The following FOCAD variants were observed in gnomAD, a reference collection of about 807,000 sequenced individuals.
FOCAD encodes focadhesin.
FOCAD carries 198 observed loss-of-function variants against 225.6 expected under a neutral mutation model. That is an observed-to-expected ratio of 0.88 (90% CI 0.78 to 0.99). FOCAD has a LOEUF of 0.99. FOCAD is among the 50% of genes least tolerant of loss of function. The pLI, the probability that FOCAD is intolerant of heterozygous loss-of-function variation, is 0.00. For missense variants in FOCAD, 2,713 were observed against 2,123.6 expected (o/e 1.28, Z -5.46); for synonymous variants, 897 against 755.0 (o/e 1.19, Z -3.08).
chr9:20,829,966 C>T (rs1825321565), intron 15 of FOCAD, among the ~76,000 whole-genome samples: 1 of 151,700 alleles, frequency 6.6e-6, no homozygotes, highest in Admixed American at 6.6e-5. Context: ...AGAAGAAAAC[C>T]CCAATTGTGA....
At chr9:20,860,040 A>T (rs911473182) in intron 15 of FOCAD, among the ~76,000 whole-genome samples, 1 of 152,226 alleles carries the variant, frequency 6.6e-6, no homozygotes, top group East Asian at 1.9e-4. Context: ...TACACTTTAC[A>T]TGAGGAATTG....
intron 15 of FOCAD, among the ~76,000 whole-genome samples, chr9:20,824,549 C>A (rs1221157376): frequency 6.6e-6 from 1 of 151,958 alleles, no homozygotes; most frequent in Non-Finnish European, 1.5e-5. Context: ...CTGAGTTTGG[C>A]ACTGACTTTC....
At position 20,765,095 on chromosome 9, in the gene FOCAD, A is replaced by G. The variant is rs1333234419; in HGVS notation, c.699+22A>G. The G allele has an allele frequency of 5.6e-6, 9 of 1,597,504 alleles. No individual in the cohort carries two copies. The South Asian group carries it at 6.8e-5, about 12-fold the overall frequency. ...GCAGGTAAGGTCTTTGTCCTCCTCC[A>G]CAAATATAGGTCAGCATCAGTAAGT... On this transcript the variant is annotated intron_variant, in intron 7 of 43. Coordinates refer to ENST00000338382, the MANE Select transcript of FOCAD (RefSeq NM_001375567.1).
intron 35 of FOCAD, among the ~76,000 whole-genome samples, chr9:20,958,749 ACTTT>A (rs1192806622): frequency 6.6e-6 from 1 of 152,024 alleles, no homozygotes; most frequent in Non-Finnish European, 1.5e-5. Flanking sequence ...TGAGAGATCA[ACTTT>A]CTTTTTGCTT....
chr9:20,836,403 A>G (rs1212896110), intron 15 of FOCAD, among the ~76,000 whole-genome samples: 2 of 151,940 alleles, frequency 1.3e-5, no homozygotes, highest in Non-Finnish European at 2.9e-5. Context: ...TTAAAGGTGG[A>G]TTGCCTGTCT....
At position 20,862,636 on chromosome 9, in the gene FOCAD, G is replaced by A; in HGVS notation, c.1979G>A (p.Arg660Lys). 1 of 1,613,592 alleles carries A rather than the reference G, an allele frequency of 6.2e-7. No individual in the cohort carries two copies. Among genetic ancestry groups the A allele is most frequent in the Non-Finnish European group, 8.5e-7 (1 of 1,179,666 alleles). The stretch of plus-strand genomic sequence containing the variant: ...TCTCCAAAGCTGAGTTGTGACACAA[G>A]ACCTCTCATTCTGAAGACACTGAGT... Reference protein sequence around the residue: ...ALSPKLSCDTRPLILKTLSEL... With the variant: ...ALSPKLSCDTKPLILKTLSEL... The change falls in exon 16 of 44, where the codon AGA (arginine) becomes AAA (lysine). Residue 660 changes from arginine (R) to lysine (K), a missense_variant. Coordinates refer to ENST00000338382, the MANE Select transcript of FOCAD (RefSeq NM_001375567.1).
intron 11 of FOCAD, among the ~76,000 whole-genome samples, chr9:20,796,897 A>C (rs12348512): frequency 1.3e-5 from 2 of 151,772 alleles, no homozygotes; most frequent in South Asian, 4.2e-4. Flanking sequence ...GCCCATACCT[A>C]TGTACTGAAT....
chr9:20,729,002 T>C (rs1826441305), intron 4 of FOCAD, among the ~76,000 whole-genome samples: 1 of 152,138 alleles, frequency 6.6e-6, no homozygotes, highest in Non-Finnish European at 1.5e-5. Flanking sequence ...TAACATCTCT[T>C]GTATATGAGG....
intron 11 of FOCAD, among the ~76,000 whole-genome samples, chr9:20,794,741 T>C (rs1587190896): frequency 6.6e-6 from 1 of 152,332 alleles, no homozygotes; most frequent in East Asian, 1.9e-4. Flanking sequence ...AGATTTCTCA[T>C]TAATAGCACA....
At chr9:20,941,603 C>A (rs1486321443) in intron 28 of FOCAD, among the ~76,000 whole-genome samples, 3 of 152,196 alleles carry the variant, frequency 2.0e-5, no homozygotes, top group African/African-American at 7.2e-5. Flanking sequence ...ATTTCTTTTG[C>A]TGGTGATATT....
intron 4 of FOCAD, among the ~76,000 whole-genome samples, chr9:20,738,428 A>G (rs1236453615): frequency 6.6e-6 from 1 of 152,240 alleles, no homozygotes. Context: ...GCATGTGAGC[A>G]AGCCAAATCT....
At chr9:20,709,456 C>G (rs1011640030) in intron 1 of FOCAD, among the ~76,000 whole-genome samples, 1 of 143,530 alleles carries the variant, frequency 7.0e-6, no homozygotes, top group Non-Finnish European at 1.5e-5. Flanking sequence ...TTGAAAATAA[C>G]GTAGACTGCT....
chr9:20,748,012 ATTATC>A (rs769599951), intron 5 of FOCAD, among the ~76,000 whole-genome samples: 37 of 152,014 alleles, frequency 2.4e-4, no homozygotes, highest in Non-Finnish European at 4.7e-4. Context: ...ACGATCAGCT[ATTATC>A]TTATGGTTTT....
intron 7 of FOCAD, among the ~76,000 whole-genome samples, chr9:20,768,779 A>G (rs945398996): frequency 3.9e-5 from 6 of 152,148 alleles, no homozygotes; most frequent in African/African-American, 1.4e-4. Context: ...TTCATTTTAT[A>G]GATGTAGAAT....
chr9:20,734,510 TA>T (rs1350628102), intron 4 of FOCAD, among the ~76,000 whole-genome samples: 1 of 152,250 alleles, frequency 6.6e-6, no homozygotes, highest in Admixed American at 6.5e-5. Flanking sequence ...GTCACATGCA[TA>T]AATCTGTTTG....
chr9:20,733,185 C>A lies in FOCAD; in HGVS notation c.288-7051C>A, dbSNP rs151209714. ...GCTTATCTAAAGTCTAATTCCAGTC[C>A]CTAAAAATGTTCCTCAGAAATCTGC... On this transcript the variant is annotated intron_variant, in intron 4 of 43. Coordinates refer to ENST00000338382, the MANE Select transcript of FOCAD (RefSeq NM_001375567.1). Among the ~76,000 whole-genome samples, 20 of 152,062 alleles carry A rather than the reference C, an allele frequency of 1.3e-4. No homozygotes were observed. The East Asian group carries it at 3.9e-3, about 29-fold the overall frequency.
At chr9:20,793,168 T>C (rs1820713049) in intron 11 of FOCAD, among the ~76,000 whole-genome samples, 1 of 152,206 alleles carries the variant, frequency 6.6e-6, no homozygotes. Flanking sequence ...AGTGTACTAC[T>C]ATTCCCTGGT....
chr9:20,764,449 T>C (rs1201387429), intron 6 of FOCAD, among the ~76,000 whole-genome samples: 1 of 152,204 alleles, frequency 6.6e-6, no homozygotes, highest in African/African-American at 2.4e-5. Flanking sequence ...AGACAGTGTT[T>C]CACCATGTTG....
chr9:20,946,787 C>T lies in FOCAD; in HGVS notation c.3642C>T (p.Asn1214=), dbSNP rs1837227767. 6.2e-7 allele frequency: 1 copy of T among 1,613,738 alleles called. No individual in the cohort carries two copies. Among genetic ancestry groups the T allele is most frequent in the East Asian group, 2.2e-5 (1 of 44,886 alleles). Residue 1214 remains asparagine (N), a synonymous_variant, in exon 30 of 44, where the codon AAC becomes AAT. Coordinates refer to ENST00000338382, the MANE Select transcript of FOCAD (RefSeq NM_001375567.1). ...IEATEAEDVM[N]KLRLLVENSQ... ...CTACAGAGGCTGAGGATGTTATGAA[C>T]AAGCTTCGACTGTTAGTGGAGAATA...
Sources: allele counts gnomAD v4.1 joint callset (sites outside exome capture counted in the v4.1 genomes callset), GRCh38; gene constraint gnomAD v4.1.1; transcripts MANE v1.5; gene names NCBI Gene and HGNC (gene_info 2026-07-23, HGNC 2026-07-21).